Variants in SEC14L1 observed in about 807,000 individuals in gnomAD.
The protein encoded by SEC14L1 is SEC14-like protein 1.
A neutral mutation model predicts 85.3 loss-of-function variants in SEC14L1; 48 were observed. The ratio of observed to expected loss-of-function variants is 0.56; its 90% CI spans 0.45 to 0.72. The LOEUF is 0.72. SEC14L1 is among the 30% of genes least tolerant of loss of function. The pLI is 0.00. For missense variants in SEC14L1, 682 were observed against 921.4 expected (o/e 0.74, Z 3.36); for synonymous variants, 391 against 355.5 (o/e 1.10, Z -1.12).
chr17:77,213,201 T>C lies in SEC14L1; in HGVS notation c.1864-113T>C. 1.1e-6 allele frequency: 1 copy of C among 892,804 alleles called. No individual in the cohort carries two copies. Among genetic ancestry groups the C allele is most frequent in the Non-Finnish European group, 1.7e-6 (1 of 599,252 alleles). The allele number at this position is 892,804 out of a possible 1,614,324, so 55.3% of individuals were successfully genotyped here. ...AGGTTCTGAATCCCATTGAGATAGT[T>C]TCCGTAGCTACATGAAATCCTAAAG... On this transcript the variant is annotated intron_variant, in intron 15 of 16. Coordinates refer to ENST00000436233, the MANE Select transcript of SEC14L1 (RefSeq NM_001143998.2). This position sits in a 1 kb window ranked among gnomAD's most constrained non-coding sequence, Gnocchi z 7.1.
intron 3 of SEC14L1, among the ~76,000 whole-genome samples, chr17:77,146,869 A>G (rs1973334561): frequency 6.6e-6 from 1 of 152,200 alleles, no homozygotes; most frequent in African/African-American, 2.4e-5. Flanking sequence ...TTCTTACTGT[A>G]GTTTTATGGT....
intron 3 of SEC14L1, among the ~76,000 whole-genome samples, chr17:77,145,908 T>C (rs952001028): frequency 6.6e-6 from 1 of 152,216 alleles, no homozygotes; most frequent in Non-Finnish European, 1.5e-5. Flanking sequence ...TAGTTTTCCA[T>C]GTGGCTTCAG....
At chr17:77,164,492 T>A (rs774152217) in intron 3 of SEC14L1, among the ~76,000 whole-genome samples, 5 of 152,070 alleles carry the variant, frequency 3.3e-5, no homozygotes, top group Non-Finnish European at 7.4e-5. Flanking sequence ...CGCTCCCCCT[T>A]TGTTGGTGGC....
At chr17:77,158,027 A>C (rs546204507) in intron 3 of SEC14L1, among the ~76,000 whole-genome samples, 1 of 152,226 alleles carries the variant, frequency 6.6e-6, no homozygotes, top group African/African-American at 2.4e-5. Context: ...TGGGCTGGGC[A>C]TGAGCCACCG....
intron 14 of SEC14L1, 160 bp from the exon 15 acceptor site, chr17:77,211,790 G>T (rs1976763036): frequency 3.4e-6 from 3 of 873,790 alleles, no homozygotes; most frequent in Non-Finnish European, 5.3e-6. Flanking sequence ...ATGGATGGTG[G>T]TGTGTGACTC....
At chr17:77,205,391 G>T (rs186249734) in intron 11 of SEC14L1, 45 bp downstream of exon 11, 4 of 1,487,458 alleles carry the variant, frequency 2.7e-6, no homozygotes, top group African/African-American at 2.8e-5. Flanking sequence ...CTGAGAAAAC[G>T]AATTAAATAT....
intron 3 of SEC14L1, among the ~76,000 whole-genome samples, chr17:77,173,701 A>G (rs1258266129): frequency 6.6e-6 from 1 of 152,198 alleles, no homozygotes; most frequent in Non-Finnish European, 1.5e-5. Flanking sequence ...TCCAAATAAA[A>G]CAACAGTATT....
intron 15 of SEC14L1, chr17:77,212,627 C>T (rs572266321): frequency 7.6e-5 from 14 of 184,586 alleles, no homozygotes; most frequent in African/African-American, 3.1e-4. Context: ...CAAATGCTTT[C>T]AGTTCCCTTT....
intron 3 of SEC14L1, among the ~76,000 whole-genome samples, chr17:77,100,424 CTCTCTT>C (rs1567868363): frequency 5.7e-5 from 2 of 35,284 alleles, no homozygotes; most frequent in Admixed American, 3.0e-4. Flanking sequence ...TTCTCTCTCT[CTCTCTT>C]TTTTTTTTTT....
intron 3 of SEC14L1, chr17:77,127,796 T>A (rs531441347): frequency 4.6e-5 from 7 of 152,294 alleles, no homozygotes; most frequent in African/African-American, 1.7e-4. Flanking sequence ...GAACTTGAGA[T>A]GAGATCATCG....
intron 3 of SEC14L1, among the ~76,000 whole-genome samples, chr17:77,179,482 G>T (rs1451926047): frequency 6.6e-6 from 1 of 152,000 alleles, no homozygotes; most frequent in African/African-American, 2.4e-5. Context: ...GGGTTACTTC[G>T]CATCTATCAT....
chr17:77,137,488 A>C (rs1211866405), upstream of SEC14L1, among the ~76,000 whole-genome samples: 1 of 152,220 alleles, frequency 6.6e-6, no homozygotes, highest in Non-Finnish European at 1.5e-5. Flanking sequence ...GGATGGCCCA[A>C]GCCATTCATG....
At chr17:77,192,194 CGA>C (rs1975576260) in intron 5 of SEC14L1, among the ~76,000 whole-genome samples, 1 of 152,126 alleles carries the variant, frequency 6.6e-6, no homozygotes, top group Non-Finnish European at 1.5e-5. Flanking sequence ...AGAATAGTGC[CGA>C]GAGTGTTTGT....
At chr17:77,119,089 T>A (rs891714250) in intron 3 of SEC14L1, among the ~76,000 whole-genome samples, 2 of 152,098 alleles carry the variant, frequency 1.3e-5, no homozygotes, top group Admixed American at 6.6e-5. Flanking sequence ...ACGGGTGGAT[T>A]GCCTGAGCTC....
chr17:77,156,085 T>C, intron 3 of SEC14L1, among the ~76,000 whole-genome samples: 1 of 152,156 alleles, frequency 6.6e-6, no homozygotes, highest in South Asian at 2.1e-4. Flanking sequence ...CATACTTGCC[T>C]GGAATACCTT....
At chr17:77,144,512 T>A (rs1973191183) in intron 3 of SEC14L1, 1 of 152,280 alleles carries the variant, frequency 6.6e-6, no homozygotes, top group Admixed American at 6.5e-5. Context: ...TGGCTGCTTC[T>A]GCTCAGCGTA....
chr17:77,106,834 C>A (rs904061352), intron 3 of SEC14L1, among the ~76,000 whole-genome samples: 1 of 151,358 alleles, frequency 6.6e-6, no homozygotes, highest in African/African-American at 2.5e-5. Context: ...GAGACCCTTT[C>A]TCAAAAAAAA....
At chr17:77,133,331 A>G (rs533441342) in intron 3 of SEC14L1, among the ~76,000 whole-genome samples, 10 of 152,204 alleles carry the variant, frequency 6.6e-5, no homozygotes, top group Non-Finnish European at 1.5e-4. Flanking sequence ...ACCTCAGGTT[A>G]ATCCTGCCGG....
Position 77,191,195 on chromosome 17 carries a change from T to TAA in SEC14L1, c.228_229insAA (p.Tyr77AsnfsTer11), listed in dbSNP as rs1648790061. On this transcript the variant is annotated frameshift_variant, in exon 5 of 17. Transcript: ENST00000436233. LOFTEE classifies it high-confidence loss of function. ...TTTTTTTGAAGATTGCAGGAGTTGA[T>TAA]TATGTTTATTTTGTCCAGAAAAACT... The TAA allele has an allele frequency of 2.5e-6, 4 of 1,612,816 alleles. No homozygotes were observed. Among genetic ancestry groups the TAA allele is most frequent in the Non-Finnish European group, 3.4e-6 (4 of 1,179,008 alleles).
Sources: gnomAD v4.1 joint callset for allele counts (sites outside exome capture counted in the v4.1 genomes callset) on GRCh38, gnomAD v4.1.1 for gene constraint, Gnocchi (gnomAD v3.1) non-coding constraint, MANE v1.5 for transcripts, NCBI Gene and HGNC (gene_info 2026-07-23, HGNC 2026-07-21) for gene names.